Variants in XPO7 observed in about 807,000 individuals in gnomAD.
The protein encoded by XPO7 is exportin 7.
A neutral mutation model predicts 144.3 loss-of-function variants in XPO7; 21 were observed. The observed-to-expected ratio is 0.15, with a 90% CI of 0.10 to 0.21. The LOEUF (loss-of-function observed/expected upper bound fraction) is 0.21, where lower values mean the gene tolerates loss of function less well. Among genes scored for constraint, XPO7 ranks in the 10% least tolerant of loss-of-function variants. The pLI is 1.00. For synonymous variants in XPO7, 580 were observed against 499.6 expected (o/e 1.16, Z -2.15); for missense variants, 808 against 1,325.8 (o/e 0.61, Z 6.06).
intron 5 of XPO7, among the ~76,000 whole-genome samples, chr8:21,973,395 A>C (rs1280720964): frequency 6.6e-6 from 1 of 152,254 alleles, no homozygotes; most frequent in East Asian, 1.9e-4. Flanking sequence ...TGTTATGATC[A>C]ATATAACAGA....
chr8:21,932,564 A>G (rs1420297572), intron 1 of XPO7, among the ~76,000 whole-genome samples: 1 of 152,208 alleles, frequency 6.6e-6, no homozygotes, highest in African/African-American at 2.4e-5. Flanking sequence ...CTTCTAAAGA[A>G]GTACACGTGG....
At position 21,994,432 on chromosome 8, in the gene XPO7, A is replaced by G. The variant is rs1192341917; in HGVS notation, c.2218A>G (p.Met740Val). Reference protein sequence around the residue: ...AFAFNAKTSFMMLFEWIYPSY... With the variant: ...AFAFNAKTSFVMLFEWIYPSY... Reference sequence around the variant, plus strand: ...CGCTTTCAATGCCAAGACCAGCTTCATGATGCTCTTTGAATGGATGTATCC... The same window carrying G: ...CGCTTTCAATGCCAAGACCAGCTTCGTGATGCTCTTTGAATGGATGTATCC... The change falls in exon 20 of 28, where the codon ATG becomes GTG. Residue 740 changes from methionine (M) to valine (V), a missense_variant. By Grantham distance (21) the Met-to-Val change is conservative. Around this residue, in one of 5 missense-constraint regions of XPO7, gnomAD observed 416 missense variants for 612.5 expected, o/e 0.68. Coordinates refer to ENST00000252512, the MANE Select transcript of XPO7 (RefSeq NM_015024.5). 3 of 1,611,736 alleles carry G rather than the reference A, an allele frequency of 1.9e-6. No homozygotes were observed. Among genetic ancestry groups the G allele is most frequent in the Non-Finnish European group, 2.5e-6 (3 of 1,178,388 alleles).
At chr8:21,960,832 A>G (rs1051888857) in intron 1 of XPO7, among the ~76,000 whole-genome samples, 2 of 152,238 alleles carry the variant, frequency 1.3e-5, no homozygotes, top group Admixed American at 6.5e-5. Flanking sequence ...TTCTGAATCT[A>G]AAGTGCAGCT....
rs987488061 is a variant in XPO7 at position 21,966,911 on chromosome 8, A to G, written c.73A>G (p.Thr25Ala). The G allele has an allele frequency of 1.5e-5, 24 of 1,613,896 alleles. No individual in the cohort carries two copies. Among genetic ancestry groups the G allele is most frequent in the Non-Finnish European group, 1.9e-5 (22 of 1,179,880 alleles). Reference protein sequence around the residue: ...CKQLYETTDTTTRLQAEKALV... With the variant: ...CKQLYETTDTATRLQAEKALV... ...ACAGCTGTATGAAACCACAGACACA[A>G]CCACTCGACTCCAGGCAGAGAAAGC... Residue 25 changes from threonine (T) to alanine (A), a missense_variant, in exon 2 of 28, where the codon ACC becomes GCC. Thr to Ala is a moderately conservative substitution (Grantham distance 58, BLOSUM62 0). This residue lies in a region of XPO7 where 223 missense variants were observed against 368.8 expected (regional missense o/e 0.60). Transcript: ENST00000252512.
At chr8:21,969,312 T>C (rs997024619) in intron 2 of XPO7, among the ~76,000 whole-genome samples, 171 bp from the exon 3 acceptor site, 15 of 98,508 alleles carry the variant, frequency 1.5e-4, no homozygotes, top group African/African-American at 2.3e-4. Context: ...AATAAACTTA[T>C]GCTATGTGGT....
intron 1 of XPO7, among the ~76,000 whole-genome samples, chr8:21,941,874 G>A (rs145171400): frequency 2.0e-5 from 3 of 152,122 alleles, no homozygotes; most frequent in Non-Finnish European, 4.4e-5. Flanking sequence ...TTGTTGAGTT[G>A]GGGTCTCAGG....
intron 1 of XPO7, among the ~76,000 whole-genome samples, chr8:21,929,161 A>G (rs2117244484): frequency 6.6e-6 from 1 of 152,356 alleles, no homozygotes; most frequent in Admixed American, 6.5e-5. Flanking sequence ...CATATTGCAT[A>G]GTGCAGATAT....
intron 21 of XPO7, among the ~76,000 whole-genome samples, chr8:21,997,219 AGCACTTACTCTTT>A (rs1194740843): frequency 6.6e-6 from 1 of 152,238 alleles, no homozygotes; most frequent in African/African-American, 2.4e-5. Context: ...GATACTTGAG[AGCACTTACTCTTT>A]GCCAAACTTT....
intron 8 of XPO7, among the ~76,000 whole-genome samples, chr8:21,979,581 G>T (rs1812337584): frequency 6.6e-6 from 1 of 150,628 alleles, no homozygotes; most frequent in African/African-American, 2.4e-5. Context: ...CTAATTTTTT[G>T]TATTTTTGGT....
chr8:21,982,997 C>T (rs1331893058), intron 11 of XPO7, among the ~76,000 whole-genome samples, 185 bp downstream of exon 11: 2 of 152,218 alleles, frequency 1.3e-5, no homozygotes, highest in Non-Finnish European at 2.9e-5. Context: ...ATAGTCTTGT[C>T]TCTTGAACAT....
Position 21,994,419 on chromosome 8 carries a change from C to G in XPO7, c.2205C>G (p.Ala735=). 1 of 1,612,324 alleles carries G rather than the reference C, an allele frequency of 6.2e-7. No homozygotes were observed. Among genetic ancestry groups the G allele is most frequent in the African/African-American group, 1.3e-5 (1 of 75,026 alleles). The change falls in exon 20 of 28, where the codon GCC becomes GCG. Residue 735 remains alanine (A), a synonymous_variant. Coordinates refer to ENST00000252512, the MANE Select transcript of XPO7 (RefSeq NM_015024.5). ...GAGGGATCGCTTTCGCTTTCAATGC[C>G]AAGACCAGCTTCATGATGCTCTTTG... The part of the protein sequence containing the change: ...DLRGIAFAFN[A]KTSFMMLFEW...
Position 21,936,248 on chromosome 8 carries a change from C to T in XPO7, c.18+16460C>T, listed in dbSNP as rs2117258908. Among the ~76,000 whole-genome samples the T allele has an allele frequency of 1.3e-5, 2 of 152,124 alleles. 1 individual carries two copies. The highest frequency in any genetic ancestry group is 3.9e-4 in the East Asian group (2 of 5,172). On this transcript the variant is annotated intron_variant, in intron 1 of 27. Transcript: ENST00000252512. ...ACCCTCAAGTCATTCCGATTAGCAG[C>T]CATTTGTGGATCACTGATAATTATT...
At chr8:21,920,278 C>G (rs369696282) in intron 1 of XPO7, among the ~76,000 whole-genome samples, 1 of 152,170 alleles carries the variant, frequency 6.6e-6, no homozygotes, top group East Asian at 1.9e-4. Context: ...CCTCTCACGC[C>G]CCGGAATACG....
At chr8:21,992,521 TTTAAGAATTTCC>T (rs1812805149) in intron 19 of XPO7, among the ~76,000 whole-genome samples, 1 of 152,162 alleles carries the variant, frequency 6.6e-6, no homozygotes, top group Non-Finnish European at 1.5e-5. Context: ...CTTAGAAAGG[TTTAAGAATTTCC>T]ACATATATGG....
At chr8:21,988,920 A>T in intron 15 of XPO7, 83 bp from the exon 16 acceptor site, 2 of 1,303,690 alleles carry the variant, frequency 1.5e-6, no homozygotes, top group Non-Finnish European at 2.1e-6. Context: ...CTTTTGATGA[A>T]TGACTTTCTT....
At chr8:21,924,741 T>C (rs1395840933) in intron 1 of XPO7, among the ~76,000 whole-genome samples, 3 of 152,238 alleles carry the variant, frequency 2.0e-5, no homozygotes, top group Non-Finnish European at 4.4e-5. Flanking sequence ...ATGAAAATGC[T>C]CACAACATTT....
intron 11 of XPO7, among the ~76,000 whole-genome samples, chr8:21,984,213 T>G (rs1423617440): frequency 3.3e-5 from 5 of 152,180 alleles, no homozygotes; most frequent in Non-Finnish European, 5.9e-5. Context: ...AGAAGCATCA[T>G]ACTGCCTTCC....
chr8:22,004,556 G>C (rs1267167799), intron 27 of XPO7, among the ~76,000 whole-genome samples: 1 of 151,996 alleles, frequency 6.6e-6, no homozygotes, highest in African/African-American at 2.4e-5. Context: ...TGCAGTTGGG[G>C]AGCTGAATGT....
intron 17 of XPO7, 106 bp from the exon 18 acceptor site, chr8:21,990,705 T>G (rs2117381381): frequency 1.7e-6 from 2 of 1,165,720 alleles, no homozygotes; most frequent in East Asian, 2.3e-5. Context: ...AAGGAATGAC[T>G]ACATAACCAT....
Sources: gnomAD v4.1 joint callset for allele counts (sites outside exome capture counted in the v4.1 genomes callset) on GRCh38, gnomAD v4.1.1 for gene constraint, gnomAD v4.1.1 regional missense constraint, MANE v1.5 for transcripts, NCBI Gene and HGNC (gene_info 2026-07-23, HGNC 2026-07-21) for gene names.